Variants in PPFIA2 observed in about 807,000 individuals in gnomAD.
PPFIA2 encodes liprin-alpha-2.
In PPFIA2, 46 loss-of-function variants were observed where a neutral mutation model predicts 175.5. The ratio of observed to expected loss-of-function variants is 0.26; its 90% CI spans 0.21 to 0.34. PPFIA2 has a LOEUF of 0.34. Ranked by LOEUF, PPFIA2 falls within the 10% of genes least tolerant of loss-of-function variation. The pLI is 1.00. For synonymous variants in PPFIA2, 568 were observed against 511.4 expected (o/e 1.11, Z -1.49); for missense variants, 1,179 against 1,506.1 (o/e 0.78, Z 3.60).
intron 4 of PPFIA2, among the ~76,000 whole-genome samples, chr12:81,488,460 G>T (rs2059081489): frequency 1.3e-5 from 2 of 151,340 alleles, no homozygotes; most frequent in African/African-American, 4.8e-5. Flanking sequence ...AGAGACAAAG[G>T]ACAATACAAA....
intron 8 of PPFIA2, among the ~76,000 whole-genome samples, chr12:81,395,268 T>C (rs778327108): frequency 7.2e-5 from 11 of 151,884 alleles, no homozygotes; most frequent in Non-Finnish European, 1.2e-4. Context: ...ATATATAAGA[T>C]CTCTATGGGA....
At chr12:81,457,959 A>G (rs2053866673) in intron 4 of PPFIA2, 93 bp from the exon 5 acceptor site, 14 of 773,346 alleles carry the variant, frequency 1.8e-5, no homozygotes, top group Non-Finnish European at 2.9e-5. Flanking sequence ...AAGAATGGGG[A>G]AAAATGACCC....
intron 4 of PPFIA2, among the ~76,000 whole-genome samples, chr12:81,487,782 T>G (rs1022770386): frequency 7.9e-5 from 12 of 151,786 alleles, no homozygotes; most frequent in African/African-American, 2.7e-4. Context: ...TGACAGATGT[T>G]TAATGGCCAT....
At chr12:81,745,684 G>A (rs2082945436) in intron 3 of PPFIA2, among the ~76,000 whole-genome samples, 1 of 152,198 alleles carries the variant, frequency 6.6e-6, no homozygotes, top group Non-Finnish European at 1.5e-5. Flanking sequence ...GACCGCAGTT[G>A]CTCTTCAAAC....
chr12:81,261,194 T>C (rs997769111), intron 32 of PPFIA2: 16 of 152,144 alleles, frequency 1.1e-4, no homozygotes, highest in African/African-American at 3.9e-4. Context: ...TAATAAAGGT[T>C]TGAATTTTTC....
Position 81,259,635 on chromosome 12 carries a change from G to T in PPFIA2, c.*59C>A. ...TCTTCTTAGATGGTAGTGCACTTTAGGTAGAGTAGACTGAAAAGACGCCAT... is the reference window on the plus strand; with the variant it reads ...TCTTCTTAGATGGTAGTGCACTTTATGTAGAGTAGACTGAAAAGACGCCAT... On this transcript the variant is annotated 3_prime_UTR_variant, in exon 33 of 33. Transcript: ENST00000549396. 6.5e-7 allele frequency: 1 copy of T among 1,534,114 alleles called. No homozygotes were observed. Among genetic ancestry groups the T allele is most frequent in the Non-Finnish European group, 8.7e-7 (1 of 1,145,380 alleles).
At chr12:81,665,293 CA>C (rs1429681878) in intron 4 of PPFIA2, among the ~76,000 whole-genome samples, 2 of 151,870 alleles carry the variant, frequency 1.3e-5, no homozygotes, top group Non-Finnish European at 2.9e-5. Context: ...ACAGATACAG[CA>C]AAAAATTATT....
intron 4 of PPFIA2, among the ~76,000 whole-genome samples, chr12:81,494,395 T>G (rs2059788506): frequency 6.6e-6 from 1 of 152,118 alleles, no homozygotes; most frequent in South Asian, 2.1e-4. Flanking sequence ...CACAATGAGA[T>G]ATCATCTCAC....
intron 13 of PPFIA2, 144 bp from the exon 14 acceptor site, chr12:81,367,314 TTTGA>T: frequency 1.9e-6 from 1 of 533,500 alleles, no homozygotes; most frequent in Non-Finnish European, 2.8e-6. Context: ...GAAACCATGC[TTTGA>T]TGAAATTTTC....
intron 28 of PPFIA2, among the ~76,000 whole-genome samples, chr12:81,270,039 C>T (rs1405686931): frequency 1.3e-5 from 2 of 152,128 alleles, no homozygotes; most frequent in East Asian, 1.9e-4. Flanking sequence ...TTCATGTAAC[C>T]TAACACCACC....
intron 4 of PPFIA2, among the ~76,000 whole-genome samples, chr12:81,612,883 C>G (rs1460830832): frequency 6.6e-6 from 1 of 152,004 alleles, no homozygotes; most frequent in South Asian, 2.1e-4. Context: ...GTTTTCTTTC[C>G]GTATTTTATT....
intron 4 of PPFIA2, among the ~76,000 whole-genome samples, chr12:81,634,896 T>C (rs1386518582): frequency 6.6e-6 from 1 of 152,086 alleles, no homozygotes; most frequent in Non-Finnish European, 1.5e-5. Context: ...TCCCTAAATA[T>C]TGTCTTTATC....
At chr12:81,629,857 A>G (rs1233954232) in intron 4 of PPFIA2, among the ~76,000 whole-genome samples, 1 of 152,212 alleles carries the variant, frequency 6.6e-6, no homozygotes, top group Non-Finnish European at 1.5e-5. Context: ...AGAGGTCCAC[A>G]TCCTAATCCC....
At chr12:81,537,818 C>A (rs911868770) in intron 4 of PPFIA2, among the ~76,000 whole-genome samples, 5 of 151,772 alleles carry the variant, frequency 3.3e-5, no homozygotes, top group Non-Finnish European at 2.9e-5. Context: ...AAGATGAGCT[C>A]TAAGGGAGAA....
intron 4 of PPFIA2, among the ~76,000 whole-genome samples, chr12:81,561,493 G>T (rs2070062136): frequency 6.6e-6 from 1 of 151,780 alleles, no homozygotes; most frequent in African/African-American, 2.4e-5. Flanking sequence ...ATGTGCCAGG[G>T]TAATACAGGA....
At chr12:81,736,012 T>G (rs955718160) in intron 3 of PPFIA2, among the ~76,000 whole-genome samples, 1 of 151,924 alleles carries the variant, frequency 6.6e-6, no homozygotes, top group African/African-American at 2.4e-5. Context: ...AATTCTCCAA[T>G]TTTGTTAATG....
Position 81,404,982 on chromosome 12 carries a change from C to G in PPFIA2, c.762+805G>C, listed in dbSNP as rs1015608860. Among the ~76,000 whole-genome samples the G allele has an allele frequency of 5.9e-5, 9 of 152,290 alleles. No homozygotes were observed. The East Asian group carries it at 1.7e-3, about 29-fold the overall frequency. ...AAGAATCCAAAGATATAACTTGTTA[C>G]AGGCAAATGATTCTCCTGAGTTTCC... is the stretch of plus-strand genomic sequence containing the variant. On this transcript the variant is annotated intron_variant, in intron 8 of 32. Transcript: ENST00000549396.
At chr12:81,538,595 A>G (rs1445854931) in intron 4 of PPFIA2, among the ~76,000 whole-genome samples, 1 of 151,936 alleles carries the variant, frequency 6.6e-6, no homozygotes, top group Non-Finnish European at 1.5e-5. Context: ...AGAAGATGCT[A>G]TTTCAACAAA....
intron 27 of PPFIA2, 111 bp downstream of exon 27, chr12:81,281,146 A>G: frequency 2.4e-6 from 2 of 827,926 alleles, no homozygotes; most frequent in Non-Finnish European, 3.6e-6. Flanking sequence ...GATGTTTCAA[A>G]TGACATATAT....
Sources: gnomAD v4.1 joint callset for allele counts (sites outside exome capture counted in the v4.1 genomes callset) on GRCh38, gnomAD v4.1.1 for gene constraint, MANE v1.5 for transcripts, NCBI Gene and HGNC (gene_info 2026-07-23, HGNC 2026-07-21) for gene names.